Variants in FILIP1 observed in about 807,000 individuals in gnomAD.
The protein encoded by FILIP1 is filamin-A-interacting protein 1.
Under a neutral mutation model 102.1 loss-of-function variants are expected in FILIP1, and 61 were observed. That is an observed-to-expected ratio of 0.60 (90% confidence interval 0.49 to 0.74). FILIP1 has a LOEUF of 0.74. FILIP1 is among the 30% of genes least tolerant of loss of function. The probability of loss-of-function intolerance (pLI) is 0.00; values close to 1 mark genes in which losing one functional copy is unlikely to be tolerated. For synonymous variants in FILIP1, 491 were observed against 526.9 expected (o/e 0.93, Z 0.93); for missense variants, 1,314 against 1,441.2 (o/e 0.91, Z 1.43).
chr6:75,324,026 C>T (rs6915428), intron 4 of FILIP1, among the ~76,000 whole-genome samples: 55,853 of 151,984 alleles, frequency 0.37, 10,446 homozygotes, highest in South Asian at 0.49. Flanking sequence ...AATTAAACCT[C>T]TTTTATTTAT....
At chr6:75,302,701 C>G (rs546114074) in intron 6 of FILIP1, among the ~76,000 whole-genome samples, 6 of 152,154 alleles carry the variant, frequency 3.9e-5, no homozygotes, top group Non-Finnish European at 5.9e-5. Context: ...GAAAGATGCT[C>G]AGAAGAATGG....
At chr6:75,364,751 T>C (rs1775274081) in intron 2 of FILIP1, among the ~76,000 whole-genome samples, 1 of 152,186 alleles carries the variant, frequency 6.6e-6, no homozygotes, top group Admixed American at 6.5e-5. Flanking sequence ...GCCACACTAA[T>C]AGATTATGAG....
chr6:75,462,483 A>G (rs1015221805), intron 1 of FILIP1, among the ~76,000 whole-genome samples: 53 of 152,176 alleles, frequency 3.5e-4, no homozygotes, highest in African/African-American at 1.2e-3. Context: ...GCCCATCTTG[A>G]TATGTACCAC....
At position 75,382,736 on chromosome 6, in the gene FILIP1, T is replaced by C. The variant is rs76327438; in HGVS notation, c.277-19819A>G. Among the ~76,000 whole-genome samples the C allele has an allele frequency of 5.0e-3, 758 of 152,326 alleles. 2 individuals are homozygous for C. Among genetic ancestry groups the C allele is most frequent in the Non-Finnish European group, 9.3e-3 (635 of 68,020 alleles). ...TCTAAAGGTCGCTACAGATCAAGTA[T>C]ACAAAGCAAAGCTTTTAGGGCTTAG... On this transcript the variant is annotated intron_variant, in intron 2 of 5. Coordinates refer to ENST00000237172, the MANE Select transcript of FILIP1 (RefSeq NM_015687.5).
In FILIP1 at chr6:75,313,095, G is replaced by A. The variant is rs780306921; in HGVS notation, c.2737C>T (p.Arg913Ter). 2.5e-6 allele frequency: 4 copies of A among 1,614,016 alleles called. No individual in the cohort carries two copies. Among genetic ancestry groups the A allele is most frequent in the Non-Finnish European group, 2.5e-6 (3 of 1,180,028 alleles). Residue 913 changes from arginine to a stop codon, truncating the protein, a stop_gained, in exon 5 of 6, where the codon CGA (arginine) becomes TGA (stop). Transcript: ENST00000237172. LOFTEE classifies it high-confidence loss of function. The surrounding 1 kb of genome is among the most constrained non-coding windows in gnomAD (Gnocchi z 4.2). ...SPKQGQPLHI[R>*]VTPDHENSTA... The stretch of plus-strand genomic sequence containing the variant: ...CTGTTCTCGTGGTCTGGTGTCACTC[G>A]AATATGCAGGGGCTGGCCCTGCTTT...
chr6:75,406,880 G>T (rs2703684), intron 2 of FILIP1, among the ~76,000 whole-genome samples: 1 of 151,872 alleles, frequency 6.6e-6, no homozygotes, highest in Non-Finnish European at 1.5e-5. Flanking sequence ...GGCTGGTCCC[G>T]AACTCCTGAC....
chr6:75,427,356 G>T (rs985930454), intron 1 of FILIP1, among the ~76,000 whole-genome samples: 1 of 152,030 alleles, frequency 6.6e-6, no homozygotes, highest in Non-Finnish European at 1.5e-5. Flanking sequence ...TATAATACTG[G>T]TTACAGTTTT....
chr6:75,434,047 T>C (rs989537465), intron 1 of FILIP1, among the ~76,000 whole-genome samples: 7 of 152,230 alleles, frequency 4.6e-5, no homozygotes, highest in Non-Finnish European at 8.8e-5. Context: ...CATTGGTCTC[T>C]ATCTCTGTTT....
chr6:75,369,002 G>T (rs1775430829), intron 2 of FILIP1, among the ~76,000 whole-genome samples: 1 of 152,166 alleles, frequency 6.6e-6, no homozygotes, highest in East Asian at 1.9e-4. Context: ...GCTGCACTTG[G>T]AAATCACTGC....
rs146543774 is a variant in FILIP1 at position 75,411,618 on chromosome 6, T to A, written c.276+3079A>T. Among the ~76,000 whole-genome samples the A allele has an allele frequency of 8.8e-3, 1,347 of 152,318 alleles. 26 individuals carry two copies. The highest frequency in any genetic ancestry group is 0.029 in the African/African-American group (1,204 of 41,574). ...TAAGGTGTAAGGAAGGGGTCCAGTT[T>A]CAGTTTTCTGCATATGGCTAGCCTG... On this transcript the variant is annotated intron_variant, in intron 2 of 5. Transcript: ENST00000237172.
At chr6:75,456,061 C>T (rs1452627265) in intron 1 of FILIP1, among the ~76,000 whole-genome samples, 2 of 152,196 alleles carry the variant, frequency 1.3e-5, no homozygotes, top group Admixed American at 6.5e-5. Context: ...CTCACACATC[C>T]TCCTAGGCCC....
intron 2 of FILIP1, among the ~76,000 whole-genome samples, chr6:75,363,833 C>T (rs1410007263): frequency 6.6e-6 from 1 of 152,150 alleles, no homozygotes; most frequent in East Asian, 1.9e-4. Flanking sequence ...TTCATTCCAA[C>T]TTATACTAAA....
At chr6:75,337,480 A>C (rs1774281466) in intron 4 of FILIP1, among the ~76,000 whole-genome samples, 1 of 152,188 alleles carries the variant, frequency 6.6e-6, no homozygotes, top group African/African-American at 2.4e-5. Context: ...GCAAGTTGGA[A>C]GTTTCTCAAT....
chr6:75,422,893 T>C (rs906506420), intron 1 of FILIP1, among the ~76,000 whole-genome samples: 1 of 152,168 alleles, frequency 6.6e-6, no homozygotes, highest in Non-Finnish European at 1.5e-5. Context: ...TTTTGGACTA[T>C]GGAAATGATG....
At chr6:75,434,418 T>A (rs1425562262) in intron 1 of FILIP1, among the ~76,000 whole-genome samples, 1 of 152,228 alleles carries the variant, frequency 6.6e-6, no homozygotes, top group Non-Finnish European at 1.5e-5. Flanking sequence ...CCTTGTAAGT[T>A]GGCTTCCTAG....
intron 4 of FILIP1, among the ~76,000 whole-genome samples, chr6:75,328,955 T>C (rs1162896325): frequency 6.6e-6 from 1 of 152,346 alleles, no homozygotes; most frequent in African/African-American, 2.4e-5. Context: ...TCCATGTTTA[T>C]ATAATTTAGT....
At chr6:75,416,294 G>GT (rs1015638602) in intron 1 of FILIP1, among the ~76,000 whole-genome samples, 3 of 152,006 alleles carry the variant, frequency 2.0e-5, no homozygotes, top group Non-Finnish European at 2.9e-5. Context: ...CATTAATGCT[G>GT]TTTTTTTAAA....
At chr6:75,457,612 G>GTCTCTCTCTCTCTCTCTCTCTC (rs68150078) in intron 1 of FILIP1, among the ~76,000 whole-genome samples, 4 of 142,732 alleles carry the variant, frequency 2.8e-5, no homozygotes, top group East Asian at 4.2e-4. Flanking sequence ...TTCAAACAAA[G>GTCTCTCTCTCTCTCTCTCTCTC]TCTCTCTCTC....
At chr6:75,426,846 C>T (rs985197930) in intron 1 of FILIP1, among the ~76,000 whole-genome samples, 1 of 152,144 alleles carries the variant, frequency 6.6e-6, no homozygotes, top group South Asian at 2.1e-4. Flanking sequence ...CAGTTTAATG[C>T]TCTGCTGTAG....
Sources: allele counts gnomAD v4.1 joint callset (sites outside exome capture counted in the v4.1 genomes callset), GRCh38; gene constraint gnomAD v4.1.1; non-coding constraint Gnocchi (gnomAD v3.1); transcripts MANE v1.5; gene names NCBI Gene and HGNC (gene_info 2026-07-23, HGNC 2026-07-21).